Variants in NRG1 observed in about 807,000 individuals in gnomAD.
NRG1 encodes the protein neuregulin 1.
Under a neutral mutation model 63.8 loss-of-function variants are expected in NRG1, and 18 were observed. The observed-to-expected ratio is 0.28, with a 90% CI of 0.19 to 0.42. The LOEUF (loss-of-function observed/expected upper bound fraction) is 0.42, where lower values mean the gene tolerates loss of function less well. Ranked by LOEUF, NRG1 falls within the 10% of genes least tolerant of loss-of-function variation. NRG1 has a pLI of 1.00. For synonymous variants in NRG1, 302 were observed against 301.3 expected, an observed-to-expected ratio of 1.00 and a Z score of -0.02; for missense variants, 762 against 814.7, an observed-to-expected ratio of 0.94 and a Z score of 0.79.
At chr8:32,769,856 T>A (rs1831668141), downstream of NRG1, among the ~76,000 whole-genome samples, 1 of 152,202 alleles carries the variant, frequency 6.6e-6, no homozygotes, top group Non-Finnish European at 1.5e-5. Context: ...CTGTTCGTCT[T>A]CTCTGGGTAG....
At chr8:32,654,272 A>C (rs1855790877) in intron 5 of NRG1, among the ~76,000 whole-genome samples, 1 of 152,324 alleles carries the variant, frequency 6.6e-6, no homozygotes, top group Non-Finnish European at 1.5e-5. Flanking sequence ...TGGTTTTCCC[A>C]TTTATTATTT....
Position 32,636,587 on chromosome 8 carries a change from G to A in NRG1, c.502+19702G>A, listed in dbSNP as rs549780808. Among the ~76,000 whole-genome samples the A allele has an allele frequency of 2.0e-5, 3 of 152,212 alleles. No homozygotes were observed. In the East Asian group the frequency reaches 5.8e-4, roughly 29 times the overall value. ...AATAAGCTTAGCATCTAACCTTTCA[G>A]ATTTTTTCAGTAATGTGAACTTTAC... On this transcript the variant is annotated intron_variant, in intron 5 of 11. Transcript: ENST00000356819.
intron 1 of NRG1, among the ~76,000 whole-genome samples, chr8:32,357,696 AATAATTTT>A (rs1806632340): frequency 6.6e-6 from 1 of 152,178 alleles, no homozygotes; most frequent in African/African-American, 2.4e-5. Flanking sequence ...TAATAGCAAT[AATAATTTT>A]CTTATGACAA....
At chr8:32,096,062 T>A (rs575206719) in intron 1 of NRG1, among the ~76,000 whole-genome samples, 63 of 152,228 alleles carry the variant, frequency 4.1e-4, no homozygotes, top group African/African-American at 1.5e-3. Flanking sequence ...CAAGCACAAA[T>A]GCTCAGGTGT....
chr8:32,103,432 T>C (rs1272185354), intron 1 of NRG1, among the ~76,000 whole-genome samples: 2 of 152,248 alleles, frequency 1.3e-5, no homozygotes, highest in Non-Finnish European at 2.9e-5. Context: ...TCCATTCATG[T>C]GTTGATGGAT....
intron 2 of NRG1, 56 bp downstream of exon 2, chr8:32,596,061 A>T: frequency 8.3e-6 from 11 of 1,332,758 alleles, no homozygotes; most frequent in South Asian, 1.5e-5. Context: ...ATAACATATA[A>T]ATGTTATTTA....
At chr8:32,392,400 G>C (rs1392447024) in intron 1 of NRG1, among the ~76,000 whole-genome samples, 1 of 152,202 alleles carries the variant, frequency 6.6e-6, no homozygotes, top group East Asian at 1.9e-4. Context: ...CATGAAATGA[G>C]TAAAAACATG....
intron 1 of NRG1, among the ~76,000 whole-genome samples, chr8:32,353,345 A>T (rs914150680): frequency 2.0e-5 from 3 of 151,330 alleles, no homozygotes; most frequent in Admixed American, 2.0e-4. Flanking sequence ...AATAATTTAA[A>T]ATCTTAAAAT....
intron 1 of NRG1, among the ~76,000 whole-genome samples, chr8:31,802,047 T>C (rs1821842008): frequency 6.6e-6 from 1 of 152,204 alleles, no homozygotes; most frequent in Admixed American, 6.5e-5. Flanking sequence ...ATCACCGGTA[T>C]TAAACAGTGT....
At chr8:32,254,965 C>CT (rs1027208245) in intron 1 of NRG1, among the ~76,000 whole-genome samples, 2 of 152,104 alleles carry the variant, frequency 1.3e-5, no homozygotes, top group Admixed American at 1.3e-4. Flanking sequence ...CCTTCTTTGT[C>CT]TTTATCTTTA....
chr8:31,968,316 C>A (rs1043382665), intron 1 of NRG1, among the ~76,000 whole-genome samples: 2 of 152,182 alleles, frequency 1.3e-5, no homozygotes, highest in African/African-American at 4.8e-5. Context: ...AATGTCCTAA[C>A]TGGCTTGGCT....
intron 1 of NRG1, among the ~76,000 whole-genome samples, chr8:32,326,634 T>C (rs868247256): frequency 2.6e-5 from 4 of 152,052 alleles, no homozygotes; most frequent in Non-Finnish European, 5.9e-5. Context: ...CAGCCAGCCA[T>C]CACATTTTTA....
chr8:32,377,670 G>A (rs963166290), intron 1 of NRG1, among the ~76,000 whole-genome samples: 1 of 152,290 alleles, frequency 6.6e-6, no homozygotes. Flanking sequence ...GCTTTCCAGA[G>A]TGAATTAGTT....
chr8:31,853,010 G>A (rs964180857), intron 1 of NRG1, among the ~76,000 whole-genome samples: 2 of 151,832 alleles, frequency 1.3e-5, no homozygotes, highest in African/African-American at 2.4e-5. Flanking sequence ...TTTGGTTACT[G>A]TAGCCTTGTA....
intron 1 of NRG1, among the ~76,000 whole-genome samples, chr8:32,104,147 C>A (rs547603607): frequency 6.6e-6 from 1 of 152,278 alleles, no homozygotes; most frequent in Admixed American, 6.5e-5. Context: ...AAACATACTA[C>A]AGACATACTA....
intron 6 of NRG1, among the ~76,000 whole-genome samples, chr8:32,738,614 G>C (rs1002590880): frequency 6.6e-6 from 1 of 152,182 alleles, no homozygotes; most frequent in Non-Finnish European, 1.5e-5. Flanking sequence ...TGGATTGAAT[G>C]TTTAACATAC....
intron 3 of NRG1, among the ~76,000 whole-genome samples, chr8:32,613,691 A>G (rs947383041): frequency 6.7e-6 from 1 of 149,956 alleles, no homozygotes; most frequent in Non-Finnish European, 1.5e-5. Context: ...AAGACTTATG[A>G]CACAGTGAAA....
At chr8:31,722,174 C>G (rs1812985053) in intron 1 of NRG1, among the ~76,000 whole-genome samples, 1 of 152,120 alleles carries the variant, frequency 6.6e-6, no homozygotes, top group South Asian at 2.1e-4. Context: ...GGCTACTTCC[C>G]TAAAACACTG....
At chr8:31,662,855 T>A (rs1806137885) in intron 1 of NRG1, among the ~76,000 whole-genome samples, 2 of 152,136 alleles carry the variant, frequency 1.3e-5, no homozygotes, top group African/African-American at 4.8e-5. Flanking sequence ...AATAGGGGAA[T>A]TTTTTGGGTT....
Sources: allele counts gnomAD v4.1 joint callset (sites outside exome capture counted in the v4.1 genomes callset), GRCh38; gene constraint gnomAD v4.1.1; transcripts MANE v1.5; gene names NCBI Gene and HGNC (gene_info 2026-07-23, HGNC 2026-07-21).